The following DMRT1 variants were observed in gnomAD, a reference collection of about 807,000 sequenced individuals.
DMRT1 encodes doublesex and mab-3 related transcription factor 1.
Under a neutral mutation model 32.3 loss-of-function variants are expected in DMRT1, and 7 were observed. That is an observed-to-expected ratio of 0.22 (90% CI 0.12 to 0.41). DMRT1 has a LOEUF of 0.41. DMRT1 is among the 10% of genes least tolerant of loss of function. The pLI is 1.00. For synonymous variants in DMRT1, 278 were observed against 206.1 expected, an observed-to-expected ratio of 1.35 and a Z score of -2.99; for missense variants, 625 against 500.5, an observed-to-expected ratio of 1.25 and a Z score of -2.37.
chr9:862,773 G>C (rs999217306), intron 2 of DMRT1, among the ~76,000 whole-genome samples: 4 of 152,222 alleles, frequency 2.6e-5, no homozygotes, highest in Non-Finnish European at 5.9e-5. Context: ...TCTGAGAGTG[G>C]CTGCTACAGC....
chr9:888,394 C>T (rs1485091445), intron 2 of DMRT1, among the ~76,000 whole-genome samples: 2 of 151,916 alleles, frequency 1.3e-5, no homozygotes, highest in Admixed American at 1.3e-4. Context: ...CACCCTCTGC[C>T]TCCCAGGCTA....
intron 3 of DMRT1, among the ~76,000 whole-genome samples, chr9:900,760 C>CT (rs1427101928): frequency 6.6e-6 from 1 of 151,752 alleles, no homozygotes; most frequent in Non-Finnish European, 1.5e-5. Flanking sequence ...TCGTAGCTCA[C>CT]TGCAGCCTCC....
intron 2 of DMRT1, among the ~76,000 whole-genome samples, chr9:889,856 G>A (rs1420860621): frequency 1.8e-4 from 28 of 152,152 alleles, no homozygotes; most frequent in Admixed American, 1.8e-3. Context: ...ACAGGCCTAA[G>A]TGTCTAAAAT....
At chr9:910,824 G>A (rs1817946926) in intron 3 of DMRT1, among the ~76,000 whole-genome samples, 1 of 151,958 alleles carries the variant, frequency 6.6e-6, no homozygotes, top group African/African-American at 2.4e-5. Context: ...AGTGACCACT[G>A]CTAATAATAA....
intron 2 of DMRT1, among the ~76,000 whole-genome samples, chr9:874,960 A>G (rs1419439924): frequency 6.6e-6 from 1 of 151,738 alleles, no homozygotes; most frequent in Non-Finnish European, 1.5e-5. Flanking sequence ...GGTGCCCGCC[A>G]CCACGCCCGG....
chr9:843,122 ATC>A (rs1283876815), intron 1 of DMRT1, among the ~76,000 whole-genome samples: 1 of 152,170 alleles, frequency 6.6e-6, no homozygotes, highest in Non-Finnish European at 1.5e-5. Context: ...CGTCCCCAGA[ATC>A]TCTGACTCTC....
At chr9:844,094 T>C (rs1211402682) in intron 1 of DMRT1, among the ~76,000 whole-genome samples, 1 of 152,172 alleles carries the variant, frequency 6.6e-6, no homozygotes, top group Non-Finnish European at 1.5e-5. Context: ...TTTCTCAAAA[T>C]GTAGTAAAAA....
chr9:877,048 C>G (rs10977248), intron 2 of DMRT1, among the ~76,000 whole-genome samples: 47 of 127,892 alleles, frequency 3.7e-4, no homozygotes, highest in African/African-American at 1.4e-3. Flanking sequence ...ACTTGAACCT[C>G]TCTGGGTGTA....
At chr9:853,563 C>G (rs1260811520) in intron 2 of DMRT1, among the ~76,000 whole-genome samples, 1 of 149,272 alleles carries the variant, frequency 6.7e-6, no homozygotes, top group Non-Finnish European at 1.5e-5. Flanking sequence ...ATCTCCGCCT[C>G]CCAGGTTCAA....
At chr9:866,598 C>T (rs145601564) in intron 2 of DMRT1, among the ~76,000 whole-genome samples, 2 of 152,262 alleles carry the variant, frequency 1.3e-5, no homozygotes, top group East Asian at 1.9e-4. Context: ...CAGAAAGCAA[C>T]GAGAGAGTCT....
At chr9:863,675 C>T (rs540828891) in intron 2 of DMRT1, among the ~76,000 whole-genome samples, 13 of 152,296 alleles carry the variant, frequency 8.5e-5, no homozygotes, top group Non-Finnish European at 1.3e-4. Context: ...CGTCAGATTT[C>T]GGACCCACAG....
At chr9:857,967 T>A (rs1168665544) in intron 2 of DMRT1, among the ~76,000 whole-genome samples, 6 of 152,034 alleles carry the variant, frequency 3.9e-5, no homozygotes, top group Non-Finnish European at 8.8e-5. Flanking sequence ...CATCCTTTTT[T>A]ATGGCTGCAT....
intron 2 of DMRT1, among the ~76,000 whole-genome samples, chr9:889,520 G>C (rs1817059349): frequency 6.6e-6 from 1 of 152,218 alleles, no homozygotes; most frequent in African/African-American, 2.4e-5. Context: ...ATTACAGTCA[G>C]CTGTAACAAA....
At chr9:885,785 G>A (rs913510810) in intron 2 of DMRT1, among the ~76,000 whole-genome samples, 4 of 152,124 alleles carry the variant, frequency 2.6e-5, no homozygotes, top group Admixed American at 6.6e-5. Flanking sequence ...AAGGGACCAC[G>A]CCCACCTCTA....
At chr9:962,514 C>T (rs972922925) in intron 4 of DMRT1, among the ~76,000 whole-genome samples, 1 of 150,774 alleles carries the variant, frequency 6.6e-6, no homozygotes, top group African/African-American at 2.4e-5. Context: ...TGGGGACCCA[C>T]CAGCTTTCTA....
At chr9:960,112 A>G (rs191913688) in intron 4 of DMRT1, among the ~76,000 whole-genome samples, 3 of 152,156 alleles carry the variant, frequency 2.0e-5, no homozygotes, top group African/African-American at 7.2e-5. Flanking sequence ...AGCCTGATTC[A>G]GTGGAGTCGG....
chr9:890,188 C>G (rs984972071), intron 2 of DMRT1, among the ~76,000 whole-genome samples: 11 of 143,710 alleles, frequency 7.7e-5, no homozygotes, highest in Non-Finnish European at 1.5e-4. Flanking sequence ...AGATCTCAGG[C>G]CGCCCGCCTC....
chr9:890,990 CA>C (rs1167498753), intron 2 of DMRT1, among the ~76,000 whole-genome samples: 1 of 151,860 alleles, frequency 6.6e-6, no homozygotes, highest in Non-Finnish European at 1.5e-5. Flanking sequence ...CTCAGCCTCC[CA>C]AAGTACTGGG....
chr9:891,231 G>C (rs1386019385), intron 2 of DMRT1, among the ~76,000 whole-genome samples: 3 of 149,604 alleles, frequency 2.0e-5, no homozygotes, highest in South Asian at 2.2e-4. Context: ...CAGATTGCTT[G>C]AGCTCAGGAG....
Sources: allele counts gnomAD v4.1 joint callset (sites outside exome capture counted in the v4.1 genomes callset), GRCh38; gene constraint gnomAD v4.1.1; transcripts MANE v1.5; gene names NCBI Gene and HGNC (gene_info 2026-07-23, HGNC 2026-07-21).